Variants in NPAS3 observed in about 807,000 individuals in gnomAD.
The protein encoded by NPAS3 is neuronal PAS domain protein 3.
A neutral mutation model predicts 73.1 loss-of-function variants in NPAS3; 14 were observed. That is an observed-to-expected ratio of 0.19 (90% confidence interval 0.13 to 0.30). The LOEUF (loss-of-function observed/expected upper bound fraction) is 0.30, where lower values mean the gene tolerates loss of function less well. Among genes scored for constraint, NPAS3 ranks in the 10% least tolerant of loss-of-function variants. NPAS3 has a pLI of 1.00. For missense variants in NPAS3, 1,096 were observed against 1,250.0 expected, an observed-to-expected ratio of 0.88 and a Z score of 1.86; for synonymous variants, 620 against 541.5, an observed-to-expected ratio of 1.14 and a Z score of -2.01.
chr14:33,662,465 G>C (rs1363146182), intron 5 of NPAS3, among the ~76,000 whole-genome samples: 1 of 152,164 alleles, frequency 6.6e-6, no homozygotes, highest in Non-Finnish European at 1.5e-5. Context: ...ATTTAAAGTA[G>C]TTTTTTCTAA....
intron 1 of NPAS3, among the ~76,000 whole-genome samples, chr14:33,039,516 G>A (rs1166026260): frequency 1.3e-5 from 2 of 152,150 alleles, no homozygotes; most frequent in African/African-American, 4.8e-5. Flanking sequence ...GCAACAGTGG[G>A]CCCTCGCTTT....
chr14:33,112,967 A>T (rs185449175), intron 2 of NPAS3, among the ~76,000 whole-genome samples: 1 of 152,302 alleles, frequency 6.6e-6, no homozygotes, highest in African/African-American at 2.4e-5. Flanking sequence ...GTCAAAGATC[A>T]GATAGTTGTA....
chr14:33,255,075 G>A (rs2048728067), intron 3 of NPAS3, among the ~76,000 whole-genome samples: 1 of 152,162 alleles, frequency 6.6e-6, no homozygotes, highest in Non-Finnish European at 1.5e-5. Context: ...CCAAAAGCTT[G>A]TATGAATAGG....
exon 8 of NPAS3, chr14:33,774,424 G>A (rs2062749209): frequency 6.2e-7 from 1 of 1,614,058 alleles, no homozygotes; most frequent in Non-Finnish European, 8.5e-7. Context: ...TCTCGTGGTT[G>A]TTGCGCATGC....
intron 4 of NPAS3, among the ~76,000 whole-genome samples, chr14:33,545,184 T>C (rs1227803225): frequency 1.3e-5 from 2 of 152,124 alleles, no homozygotes; most frequent in Non-Finnish European, 2.9e-5. Flanking sequence ...ATCTCAGACA[T>C]GACTATTGAG....
chr14:33,704,534 GC>G (rs557208283), intron 6 of NPAS3, among the ~76,000 whole-genome samples: 189 of 152,262 alleles, frequency 1.2e-3, no homozygotes, highest in African/African-American at 3.8e-3. Flanking sequence ...ATGCCCTGAA[GC>G]ATATTAGATC....
intron 5 of NPAS3, among the ~76,000 whole-genome samples, chr14:33,653,455 A>T (rs2059057887): frequency 6.6e-6 from 1 of 152,274 alleles, no homozygotes; most frequent in Admixed American, 6.5e-5. Flanking sequence ...AATTTACAGA[A>T]TCAACGCTGG....
chr14:33,775,137 T>C (rs1566527049), intron 8 of NPAS3, among the ~76,000 whole-genome samples: 1 of 152,136 alleles, frequency 6.6e-6, no homozygotes, highest in Non-Finnish European at 1.5e-5. Context: ...GGTTAAAAAG[T>C]TCACTTTTTC....
At chr14:33,070,769 A>T (rs1267949814) in intron 2 of NPAS3, among the ~76,000 whole-genome samples, 1 of 152,226 alleles carries the variant, frequency 6.6e-6, no homozygotes, top group East Asian at 1.9e-4. Context: ...CAGTGAACAA[A>T]ATGCTGACTG....
At chr14:33,022,147 A>T (rs2039621039) in intron 1 of NPAS3, among the ~76,000 whole-genome samples, 1 of 152,200 alleles carries the variant, frequency 6.6e-6, no homozygotes, top group Non-Finnish European at 1.5e-5. Flanking sequence ...ATTGGCCTTT[A>T]AAAGGTATAT....
intron 4 of NPAS3, among the ~76,000 whole-genome samples, chr14:33,480,586 C>T (rs1035358850): frequency 7.4e-6 from 1 of 135,346 alleles, no homozygotes; most frequent in African/African-American, 3.0e-5. Flanking sequence ...TCTCTCTCTC[C>T]CTTTCTCCCA....
chr14:33,771,187 C>A (rs2062639566), intron 7 of NPAS3, among the ~76,000 whole-genome samples: 1 of 152,110 alleles, frequency 6.6e-6, no homozygotes. Context: ...TGAACATAAC[C>A]TGTCACCTGA....
At chr14:33,648,493 T>C (rs1022577857) in intron 5 of NPAS3, among the ~76,000 whole-genome samples, 8 of 152,254 alleles carry the variant, frequency 5.3e-5, no homozygotes, top group Non-Finnish European at 1.2e-4. Context: ...GAAGGCTTTA[T>C]GGAAATCTAA....
intron 1 of NPAS3, among the ~76,000 whole-genome samples, chr14:33,002,844 A>G (rs1261814688): frequency 6.6e-6 from 1 of 152,164 alleles, no homozygotes; most frequent in Non-Finnish European, 1.5e-5. Flanking sequence ...GTATGTTTGT[A>G]AGAGCTCTGA....
chr14:33,086,451 G>T (rs1405884093), intron 2 of NPAS3, among the ~76,000 whole-genome samples: 5 of 151,996 alleles, frequency 3.3e-5, no homozygotes, highest in African/African-American at 1.2e-4. Flanking sequence ...TTTAAAAAAG[G>T]GTCACAGTAT....
chr14:32,956,399 T>G (rs1350590130), intron 1 of NPAS3, among the ~76,000 whole-genome samples: 1 of 152,156 alleles, frequency 6.6e-6, no homozygotes, highest in African/African-American at 2.4e-5. Flanking sequence ...GAAAATATCA[T>G]GCAAGGTTAC....
chr14:33,648,757 GT>G (rs1284434067), intron 5 of NPAS3, among the ~76,000 whole-genome samples: 1 of 152,102 alleles, frequency 6.6e-6, no homozygotes, highest in East Asian at 1.9e-4. Flanking sequence ...CTTTTTAGTG[GT>G]CGTTTGGCTA....
intron 2 of NPAS3, among the ~76,000 whole-genome samples, chr14:33,206,529 T>C (rs989997517): frequency 9.2e-5 from 14 of 152,174 alleles, no homozygotes; most frequent in African/African-American, 3.4e-4. Flanking sequence ...AAAACAATGC[T>C]GTTTTTAGCA....
At chr14:33,525,588 C>A (rs1417444273) in intron 4 of NPAS3, among the ~76,000 whole-genome samples, 1 of 152,030 alleles carries the variant, frequency 6.6e-6, no homozygotes, top group Non-Finnish European at 1.5e-5. Flanking sequence ...GAATTTTTTC[C>A]TATATGCTGT....
Sources: allele counts gnomAD v4.1 joint callset (sites outside exome capture counted in the v4.1 genomes callset), GRCh38; gene constraint gnomAD v4.1.1; transcripts MANE v1.5; gene names NCBI Gene and HGNC (gene_info 2026-07-23, HGNC 2026-07-21).